CSNK1G3: variants seen among roughly 807,000 people sequenced by gnomAD.
The protein encoded by CSNK1G3 is casein kinase 1 gamma 3, also known as casein kinase I isoform gamma-3.
Under a neutral mutation model 64.3 loss-of-function variants are expected in CSNK1G3, and 23 were observed. The ratio of observed to expected loss-of-function variants is 0.36; its 90% confidence interval spans 0.26 to 0.51. CSNK1G3 has a LOEUF of 0.51. CSNK1G3 is among the 20% of genes least tolerant of loss of function. The probability of loss-of-function intolerance (pLI) is 0.96; values close to 1 mark genes in which losing one functional copy is unlikely to be tolerated. For synonymous variants in CSNK1G3, 158 were observed against 162.2 expected (o/e 0.97, Z 0.20); for missense variants, 357 against 510.5 (o/e 0.70, Z 2.90).
At chr5:123,608,015 G>A (rs1189590185) in intron 12 of CSNK1G3, among the ~76,000 whole-genome samples, 1 of 151,928 alleles carries the variant, frequency 6.6e-6, no homozygotes, top group Non-Finnish European at 1.5e-5. Flanking sequence ...GGCTGGCCCT[G>A]AACTATTGGG....
intron 4 of CSNK1G3, among the ~76,000 whole-genome samples, chr5:123,570,411 T>G (rs1787861919): frequency 6.7e-6 from 1 of 149,468 alleles, no homozygotes; most frequent in Non-Finnish European, 1.5e-5. Context: ...TGGAGTGCAG[T>G]GGCGCGATCT....
intron 1 of CSNK1G3, among the ~76,000 whole-genome samples, chr5:123,526,913 TC>T (rs1779200678): frequency 6.6e-6 from 1 of 150,938 alleles, no homozygotes; most frequent in Admixed American, 6.6e-5. Flanking sequence ...TTGAGTATGA[TC>T]CTAAAGTTGG....
rs1792102480 is a variant in CSNK1G3 at position 123,590,280 on chromosome 5, A to G, written c.845-133A>G. 4 of 399,928 alleles carry G rather than the reference A, an allele frequency of 1.0e-5. No individual in the cohort carries two copies. The South Asian group carries it at 4.7e-4, about 47-fold the overall frequency. 24.8% of individuals were successfully genotyped at this position (399,928 alleles called of 1,614,324 possible). On this transcript the variant is annotated intron_variant, in intron 8 of 12. Transcript: ENST00000345990. Reference sequence around the variant, plus strand: ...TTTTGTTGTAATTAAACTCAGAAAAATTTAAATTGCAATGTAATTTTGTTA... The same window carrying G: ...TTTTGTTGTAATTAAACTCAGAAAAGTTTAAATTGCAATGTAATTTTGTTA...
At chr5:123,571,900 T>C (rs1788186509) in intron 4 of CSNK1G3, among the ~76,000 whole-genome samples, 2 of 152,120 alleles carry the variant, frequency 1.3e-5, no homozygotes, top group Admixed American at 1.3e-4. Flanking sequence ...AAAATGATAG[T>C]TATTTACGAG....
intron 2 of CSNK1G3, among the ~76,000 whole-genome samples, chr5:123,548,459 C>CAAAA (rs58778870): frequency 2.3e-4 from 18 of 79,234 alleles, no homozygotes; most frequent in African/African-American, 6.9e-4. Flanking sequence ...GACTCTGTCT[C>CAAAA]AAAAAAAAAA....
At chr5:123,578,697 A>G (rs1789648633) in intron 6 of CSNK1G3, among the ~76,000 whole-genome samples, 1 of 151,884 alleles carries the variant, frequency 6.6e-6, no homozygotes, top group African/African-American at 2.4e-5. Flanking sequence ...AAGGTAAACA[A>G]ATCTTTACCT....
At chr5:123,604,889 G>C in intron 11 of CSNK1G3, 59 bp downstream of exon 12, 1 of 1,267,872 alleles carries the variant, frequency 7.9e-7, no homozygotes, top group South Asian at 1.3e-5. Context: ...GCATGCTTGA[G>C]ATTTATAGTT....
intron 1 of CSNK1G3, among the ~76,000 whole-genome samples, chr5:123,543,146 T>G (rs1781961692): frequency 6.6e-6 from 1 of 152,028 alleles, no homozygotes; most frequent in Non-Finnish European, 1.5e-5. Context: ...TTGTTGAGAG[T>G]CTGGCTTTTT....
intron 10 of CSNK1G3, among the ~76,000 whole-genome samples, chr5:123,591,913 A>G (rs1004004656): frequency 1.3e-5 from 2 of 152,094 alleles, no homozygotes; most frequent in African/African-American, 2.4e-5. Context: ...CCCTGGGCAA[A>G]TAAGTTAATC....
chr5:123,586,336 T>G (rs1339570596), intron 6 of CSNK1G3, among the ~76,000 whole-genome samples: 1 of 152,204 alleles, frequency 6.6e-6, no homozygotes, highest in Non-Finnish European at 1.5e-5. Context: ...GTGGTAGTTA[T>G]GCAGGTGTGT....
intron 4 of CSNK1G3, among the ~76,000 whole-genome samples, chr5:123,566,803 C>T (rs1168849386): frequency 1.3e-5 from 2 of 150,380 alleles, no homozygotes; most frequent in African/African-American, 4.9e-5. Flanking sequence ...TTCCTGATTG[C>T]AAAAATAGCA....
intron 10 of CSNK1G3, among the ~76,000 whole-genome samples, chr5:123,599,178 GA>G (rs1793988651): frequency 6.6e-6 from 1 of 152,140 alleles, no homozygotes; most frequent in Admixed American, 6.5e-5. Context: ...TAAGCAAAGG[GA>G]AAAAGACAAA....
chr5:123,613,188 CTTT>C (rs75122100), intron 12 of CSNK1G3, among the ~76,000 whole-genome samples: 1 of 140,114 alleles, frequency 7.1e-6, no homozygotes. Flanking sequence ...TAATTTTTTT[CTTT>C]TTTTTTTTTG....
At chr5:123,600,964 A>G (rs953792514) in intron 10 of CSNK1G3, among the ~76,000 whole-genome samples, 5 of 151,386 alleles carry the variant, frequency 3.3e-5, no homozygotes, top group African/African-American at 1.2e-4. Flanking sequence ...CAAATTGGGA[A>G]TGTCAGAGGG....
intron 12 of CSNK1G3, among the ~76,000 whole-genome samples, chr5:123,606,451 T>TA (rs1415458770): frequency 6.6e-6 from 1 of 152,190 alleles, no homozygotes; most frequent in Non-Finnish European, 1.5e-5. Context: ...ACATAGGTTA[T>TA]AGAATCCTGT....
At chr5:123,597,952 T>G (rs1027754407) in intron 10 of CSNK1G3, among the ~76,000 whole-genome samples, 19 of 152,180 alleles carry the variant, frequency 1.2e-4, no homozygotes, top group Admixed American at 5.2e-4. Flanking sequence ...TTGAGTAGTA[T>G]TTTCATTTTA....
intron 4 of CSNK1G3, among the ~76,000 whole-genome samples, chr5:123,572,274 A>G (rs992539885): frequency 1.1e-4 from 17 of 152,140 alleles, no homozygotes; most frequent in Non-Finnish European, 2.4e-4. Flanking sequence ...TTTGATTCTG[A>G]CAACTTCCAT....
intron 1 of CSNK1G3, among the ~76,000 whole-genome samples, chr5:123,542,887 T>G (rs1418326637): frequency 3.3e-5 from 5 of 150,556 alleles, no homozygotes; most frequent in Admixed American, 1.3e-4. Flanking sequence ...TGTGTGTGTG[T>G]TTACCAAATT....
chr5:123,545,435 TCA>T (rs1296379086), exon 2 of CSNK1G3: 1 of 403,676 alleles, frequency 2.5e-6, no homozygotes, highest in Non-Finnish European at 4.5e-6. Context: ...CAATATCAGC[TCA>T]CATCATTGAA....
Sources: gnomAD v4.1 joint callset for allele counts (sites outside exome capture counted in the v4.1 genomes callset) on GRCh38, gnomAD v4.1.1 for gene constraint, MANE v1.5 for transcripts, NCBI Gene and HGNC (gene_info 2026-07-23, HGNC 2026-07-21) for gene names.